The following OAS1 variants were observed in gnomAD, a reference collection of about 807,000 sequenced individuals.
The protein encoded by OAS1 is 2'-5'-oligoadenylate synthetase 1.
OAS1 carries 24 observed loss-of-function variants against 38.5 expected under a neutral mutation model. The observed-to-expected ratio is 0.62, with a 90% CI of 0.45 to 0.88. OAS1 has a LOEUF of 0.88. OAS1 is among the 40% of genes least tolerant of loss of function. The pLI is 0.00. For missense variants in OAS1, 482 were observed against 493.9 expected (o/e 0.98, Z 0.23); for synonymous variants, 169 against 193.9 (o/e 0.87, Z 1.07).
intron 3 of OAS1, among the ~76,000 whole-genome samples, chr12:112,912,938 A>T (rs2043406963): frequency 6.6e-6 from 1 of 152,196 alleles, no homozygotes; most frequent in Non-Finnish European, 1.5e-5. Flanking sequence ...TTTTATAGCC[A>T]AATGTTTAGT....
intron 4 of OAS1, 66 bp from the exon 5 acceptor site, chr12:112,917,481 A>T: frequency 6.3e-7 from 1 of 1,598,590 alleles, no homozygotes; most frequent in Non-Finnish European, 8.5e-7. Context: ...CTCTCCCAGG[A>T]GCATCTGGAC....
chr12:112,914,011 T>C (rs1348480835), intron 3 of OAS1, among the ~76,000 whole-genome samples: 3 of 152,182 alleles, frequency 2.0e-5, no homozygotes, highest in Non-Finnish European at 4.4e-5. Context: ...ATAAGTTCTT[T>C]AGTGGTGATT....
chr12:112,931,221 C>T (rs2043594971), intron 6 of OAS1, among the ~76,000 whole-genome samples: 1 of 152,232 alleles, frequency 6.6e-6, no homozygotes, highest in African/African-American at 2.4e-5. Context: ...TACAACTTTC[C>T]AGGCACATGC....
downstream of OAS1, among the ~76,000 whole-genome samples, chr12:112,920,906 G>A (rs372270530): frequency 7.2e-5 from 11 of 152,210 alleles, no homozygotes; most frequent in South Asian, 8.3e-4. Flanking sequence ...GCTTGCCCAG[G>A]GTCACCCAGC....
chr12:112,928,786 G>A lies in OAS1; in HGVS notation c.1168-3092G>A, dbSNP rs557154453. On this transcript the variant is annotated intron_variant, in intron 6 of 6. Transcript: ENST00000540589. ...TTGGGAAGTAACCATCGTCTTTAGT[G>A]GGAGGAACTACAACATCCCATGGCA... is the stretch of plus-strand genomic sequence containing the variant. 4.6e-5 allele frequency among the ~76,000 whole-genome samples: 7 copies of A among 152,356 alleles called. No homozygotes were observed. In the East Asian group the frequency reaches 1.2e-3, roughly 25 times the overall value.
intron 2 of OAS1, 90 bp from the exon 3 acceptor site, chr12:112,910,961 A>G (rs1424289507): frequency 8.0e-7 from 1 of 1,257,630 alleles, no homozygotes; most frequent in Non-Finnish European, 1.1e-6. Context: ...TTTCAATCAA[A>G]CCCCATGGCC....
At chr12:112,911,029 G>A (rs1289817806) in intron 2 of OAS1, 22 bp from the exon 3 acceptor site, 1 of 1,607,582 alleles carries the variant, frequency 6.2e-7, no homozygotes, top group African/African-American at 1.3e-5. Flanking sequence ...TGACACCTAA[G>A]TTGTAGATTT....
chr12:112,916,096 T>C (rs1029071311), intron 3 of OAS1, among the ~76,000 whole-genome samples: 4 of 152,236 alleles, frequency 2.6e-5, no homozygotes, highest in Non-Finnish European at 5.9e-5. Context: ...ATTTTCGTAG[T>C]ATCTTTATCA....
At chr12:112,908,850 C>T (rs374246759) in intron 2 of OAS1, 26 bp downstream of exon 2, 17 of 1,545,908 alleles carry the variant, frequency 1.1e-5, no homozygotes, top group African/African-American at 1.4e-5. Flanking sequence ...TTCTTTTTCT[C>T]CCTCTTCCCA....
chr12:112,914,448 G>T (rs2043426698), intron 3 of OAS1, among the ~76,000 whole-genome samples: 1 of 152,162 alleles, frequency 6.6e-6, no homozygotes, highest in Non-Finnish European at 1.5e-5. Context: ...TTTCCTCTGG[G>T]TAGATACCTA....
Position 112,917,644 on chromosome 12 carries a change from A to C in OAS1, c.982A>C (p.Asn328His), listed in dbSNP as rs1266363589. 2 of 1,614,094 alleles carry C rather than the reference A, an allele frequency of 1.2e-6. No homozygotes were observed. The highest frequency in any genetic ancestry group is 1.7e-6 in the Non-Finnish European group (2 of 1,180,048). ...GGCACAAGAGGCTGAGGCCTGGCTG[A>C]ATTACCCATGCTTTAAGAATTGGGA... is the stretch of plus-strand genomic sequence containing the variant. Reference protein sequence around the residue: ...QLAQEAEAWLNYPCFKNWDGS... With the variant: ...QLAQEAEAWLHYPCFKNWDGS... The change falls in exon 5 of 6, where the codon AAT becomes CAT. Residue 328 changes from asparagine to histidine, a missense_variant. Coordinates refer to ENST00000202917, the MANE Select transcript of OAS1 (RefSeq NM_016816.4).
chr12:112,917,791 C>T (rs1373780030), intron 5 of OAS1, 91 bp downstream of exon 5: 1 of 1,613,632 alleles, frequency 6.2e-7, no homozygotes, highest in Non-Finnish European at 8.5e-7. Context: ...TTCCAAAGAA[C>T]TTACCTCTTG....
chr12:112,924,819 T>C (rs2043549090), downstream of OAS1, among the ~76,000 whole-genome samples: 1 of 152,074 alleles, frequency 6.6e-6, no homozygotes, highest in South Asian at 2.1e-4. Context: ...TTTTGGGAAG[T>C]ATTTCTCACA....
At chr12:112,908,852 C>T in intron 2 of OAS1, 28 bp downstream of exon 2, 1 of 1,545,028 alleles carries the variant, frequency 6.5e-7, no homozygotes, top group Non-Finnish European at 8.7e-7. Flanking sequence ...CTTTTTCTCC[C>T]TCTTCCCATT....
At chr12:112,912,166 C>T (rs1317611918) in intron 3 of OAS1, among the ~76,000 whole-genome samples, 1 of 152,150 alleles carries the variant, frequency 6.6e-6, no homozygotes, top group Non-Finnish European at 1.5e-5. Context: ...GGCAAAACCT[C>T]GTCTCTACAA....
At chr12:112,909,453 G>A (rs2136298156) in intron 2 of OAS1, among the ~76,000 whole-genome samples, 2 of 152,258 alleles carry the variant, frequency 1.3e-5, no homozygotes, top group South Asian at 4.2e-4. Flanking sequence ...GAGCCCAGGA[G>A]TTCAAGACCA....
chr12:112,917,578 G>A lies in OAS1; in HGVS notation c.916G>A (p.Gly306Arg). The A allele has an allele frequency of 6.2e-7, 1 of 1,614,180 alleles. No individual in the cohort carries two copies. The highest frequency in any genetic ancestry group is 8.5e-7 in the Non-Finnish European group (1 of 1,180,020). ...PVILDPADPT[G>R]NLGGGDPKGW... Reference sequence around the variant, plus strand: ...GATCCTGGACCCGGCGGACCCTACAGGAAACTTGGGTGGTGGAGACCCAAA... The same window carrying A: ...GATCCTGGACCCGGCGGACCCTACAAGAAACTTGGGTGGTGGAGACCCAAA... The change falls in exon 5 of 6, where the codon GGA becomes AGA. Residue 306 changes from glycine to arginine, a missense_variant. Transcript: ENST00000202917.
chr12:112,917,908 T>G, intron 5 of OAS1: 3 of 1,455,642 alleles, frequency 2.1e-6, no homozygotes, highest in Non-Finnish European at 2.7e-6. Flanking sequence ...TGTCCAGAAT[T>G]CATTCCCCTA....
chr12:112,908,860 A>G (rs2043338214), intron 2 of OAS1, 36 bp downstream of exon 2: 1 of 1,535,020 alleles, frequency 6.5e-7, no homozygotes, highest in Non-Finnish European at 8.7e-7. Context: ...CCCTCTTCCC[A>G]TTTCTGAGCA....
Sources: gnomAD v4.1 joint callset for allele counts (sites outside exome capture counted in the v4.1 genomes callset) on GRCh38, gnomAD v4.1.1 for gene constraint, MANE v1.5 for transcripts, NCBI Gene and HGNC (gene_info 2026-07-23, HGNC 2026-07-21) for gene names.